Variants in CCDC102B observed in about 807,000 individuals in gnomAD.
The protein encoded by CCDC102B is coiled-coil domain-containing protein 102B.
In CCDC102B, 75 loss-of-function variants were observed where a neutral mutation model predicts 57.4. The observed-to-expected ratio is 1.31, with a 90% CI of 1.08 to 1.58. The LOEUF is 1.58. Ranked by LOEUF, CCDC102B falls within the 40% of genes most tolerant of loss-of-function variation. The pLI is 0.00. For synonymous variants in CCDC102B, 206 were observed against 201.9 expected (o/e 1.02, Z -0.17); for missense variants, 636 against 582.6 (o/e 1.09, Z -0.94).
At chr18:68,905,585 GCCC>G (rs1568322401) in intron 6 of CCDC102B, among the ~76,000 whole-genome samples, 2 of 2,540 alleles carry the variant, frequency 7.9e-4, no homozygotes, top group Non-Finnish European at 1.9e-3. Flanking sequence ...TTATGGGACC[GCCC>G]TGTCTAGCCC....
chr18:68,759,664 G>A (rs1484989614), intron 2 of CCDC102B, among the ~76,000 whole-genome samples: 3 of 152,124 alleles, frequency 2.0e-5, no homozygotes, highest in Non-Finnish European at 1.5e-5. Context: ...GATCTGTAAA[G>A]TATTCATTTA....
intron 2 of CCDC102B, among the ~76,000 whole-genome samples, chr18:68,790,174 G>A (rs1181570452): frequency 2.0e-5 from 3 of 151,158 alleles, no homozygotes; most frequent in Non-Finnish European, 4.4e-5. Flanking sequence ...ACTTGAGGAG[G>A]CAGTCTGCCC....
In CCDC102B at chr18:69,014,978, AGTGT is replaced by A. The variant is rs3035604; in HGVS notation, c.1434+3896_1434+3899del. 4.6e-4 allele frequency among the ~76,000 whole-genome samples: 64 copies of A among 139,430 alleles called. 1 individual carries two copies. The highest frequency in any genetic ancestry group is 3.3e-3 in the Admixed American group (45 of 13,524). 91.5% of individuals were successfully genotyped at this position (139,430 alleles called of 152,430 possible). A position where few individuals can be genotyped will look rare whatever the true frequency, so the allele number is the denominator to read the frequency against. On this transcript the variant is annotated intron_variant, in intron 7 of 7. Transcript: ENST00000360242. ...GTGAATGAGAGAGAGAGAGAGAGAG[AGTGT>A]GTGTGTGTGTGTGTGTGTGTGAAAG...
At chr18:68,734,345 G>A (rs2033030692) in intron 2 of CCDC102B, among the ~76,000 whole-genome samples, 1 of 152,176 alleles carries the variant, frequency 6.6e-6, no homozygotes, top group Non-Finnish European at 1.5e-5. Context: ...TGCAGCGTTA[G>A]GGGTGTAGAG....
At chr18:69,048,227 T>C (rs1048823363) in intron 7 of CCDC102B, among the ~76,000 whole-genome samples, 6 of 151,704 alleles carry the variant, frequency 4.0e-5, no homozygotes, top group Non-Finnish European at 7.4e-5. Flanking sequence ...TGTGTGTTTT[T>C]TTTTTCCCAA....
At chr18:68,820,233 T>C (rs1376663910) in intron 1 of CCDC102B, among the ~76,000 whole-genome samples, 1 of 152,120 alleles carries the variant, frequency 6.6e-6, no homozygotes, top group Non-Finnish European at 1.5e-5. Context: ...CTTTCCCTTC[T>C]ATTTTTAGCT....
rs117049714 is a variant in CCDC102B at position 68,999,687 on chromosome 18, A to C, written c.1264-11247A>C. ...TAAGTTTTATGACTAATGAATATCT[A>C]AGACTTCCCAAGTCACTCATGTCTG... On this transcript the variant is annotated intron_variant, in intron 6 of 7. Transcript: ENST00000360242. Among the ~76,000 whole-genome samples, 526 of 152,266 alleles carry C rather than the reference A, an allele frequency of 3.5e-3. 4 individuals carry two copies. Among genetic ancestry groups the C allele is most frequent in the South Asian group, 0.021 (101 of 4,818 alleles).
At chr18:68,783,548 T>G (rs1461421413) in intron 2 of CCDC102B, among the ~76,000 whole-genome samples, 1 of 152,142 alleles carries the variant, frequency 6.6e-6, no homozygotes, top group Non-Finnish European at 1.5e-5. Flanking sequence ...CCTCATTGGT[T>G]TGGGTTTACA....
Position 68,846,384 on chromosome 18 carries a change from A to G in CCDC102B, c.899A>G (p.Glu300Gly). Residue 300 changes from glutamate (E) to glycine (G), a missense_variant, in exon 4 of 8, where the codon GAA becomes GGA. Glu to Gly is a moderately conservative substitution (Grantham distance 98, BLOSUM62 -2). Transcript: ENST00000360242. ...SALSLWKWKY[E>G]ELKESKPKNV... is the part of the protein sequence containing the mutation. ...TTGTCTCTGTGGAAGTGGAAGTATG[A>G]AGAACTGAAAGAATCAAAGCCAAAA... 2.5e-6 allele frequency: 4 copies of G among 1,590,768 alleles called. No individual in the cohort carries two copies. The highest frequency in any genetic ancestry group is 3.4e-6 in the Non-Finnish European group (4 of 1,170,106).
chr18:68,734,990 G>A (rs1243199793), intron 2 of CCDC102B, among the ~76,000 whole-genome samples: 1 of 152,146 alleles, frequency 6.6e-6, no homozygotes, highest in East Asian at 1.9e-4. Context: ...GACTTGTTTA[G>A]GGAGAAGAAT....
intron 2 of CCDC102B, among the ~76,000 whole-genome samples, chr18:68,758,177 A>T (rs2034120858): frequency 7.2e-6 from 1 of 139,574 alleles, no homozygotes; most frequent in African/African-American, 2.6e-5. Context: ...ATGTATATGT[A>T]TGTATTATAC....
intron 6 of CCDC102B, among the ~76,000 whole-genome samples, chr18:68,916,702 C>T (rs1282142235): frequency 6.6e-6 from 1 of 152,186 alleles, no homozygotes; most frequent in South Asian, 2.1e-4. Flanking sequence ...GTGGAGAAAA[C>T]TAAAGTCAAT....
chr18:68,870,239 CA>C (rs1386514903), intron 4 of CCDC102B, among the ~76,000 whole-genome samples: 17 of 152,256 alleles, frequency 1.1e-4, no homozygotes, highest in African/African-American at 3.9e-4. Context: ...AGGATGAATG[CA>C]TGCAGGGCTT....
intron 7 of CCDC102B, among the ~76,000 whole-genome samples, chr18:69,053,046 T>C (rs2052747003): frequency 6.6e-6 from 1 of 151,828 alleles, no homozygotes; most frequent in African/African-American, 2.4e-5. Context: ...CAATCTCCTG[T>C]GGATATCAAG....
At chr18:68,955,772 G>A (rs377184091) in intron 6 of CCDC102B, among the ~76,000 whole-genome samples, 215 of 151,654 alleles carry the variant, frequency 1.4e-3, no homozygotes, top group African/African-American at 4.7e-3. Context: ...GTACTTTCTC[G>A]TTAATTTTGT....
At chr18:68,846,708 T>G (rs896428748) in intron 4 of CCDC102B, among the ~76,000 whole-genome samples, 8 of 151,884 alleles carry the variant, frequency 5.3e-5, no homozygotes, top group African/African-American at 1.9e-4. Context: ...AATGATGTTT[T>G]GATATCCATA....
intron 4 of CCDC102B, among the ~76,000 whole-genome samples, chr18:68,861,477 C>T (rs542167519): frequency 6.6e-6 from 1 of 152,210 alleles, no homozygotes; most frequent in South Asian, 2.1e-4. Flanking sequence ...ACGTATCTTT[C>T]ATGTCTTGAA....
At chr18:68,784,972 C>G (rs182455791) in intron 2 of CCDC102B, among the ~76,000 whole-genome samples, 1,185 of 110,504 alleles carry the variant, frequency 0.011, 25 homozygotes, top group African/African-American at 0.038. Flanking sequence ...TGCTATCCCT[C>G]CCCCCTCCCC....
intron 6 of CCDC102B, chr18:68,902,210 C>T (rs561957302): frequency 4.3e-4 from 65 of 152,296 alleles, no homozygotes; most frequent in African/African-American, 1.4e-3. Flanking sequence ...TGAATTACTT[C>T]ATGCTTTCTT....
Sources: gnomAD v4.1 joint callset for allele counts (sites outside exome capture counted in the v4.1 genomes callset) on GRCh38, gnomAD v4.1.1 for gene constraint, MANE v1.5 for transcripts, NCBI Gene and HGNC (gene_info 2026-07-23, HGNC 2026-07-21) for gene names.